Variants in AGO3 observed in about 807,000 individuals in gnomAD.
The protein encoded by AGO3 is argonaute RISC catalytic component 3, also known as protein argonaute-3.
Under a neutral mutation model 105.5 loss-of-function variants are expected in AGO3, and 16 were observed. That is an observed-to-expected ratio of 0.15 (90% CI 0.10 to 0.23). AGO3 has a LOEUF of 0.23. Ranked by LOEUF, AGO3 falls within the 10% of genes least tolerant of loss-of-function variation. The pLI is 1.00. For synonymous variants in AGO3, 340 were observed against 367.3 expected (o/e 0.93, Z 0.85); for missense variants, 534 against 1,088.0 (o/e 0.49, Z 7.16).
chr1:36,004,636 C>T (rs1231408003), intron 6 of AGO3, among the ~76,000 whole-genome samples, 161 bp downstream of exon 6: 4 of 152,146 alleles, frequency 2.6e-5, no homozygotes, highest in Non-Finnish European at 5.9e-5. Flanking sequence ...ATTACTATAA[C>T]ATCTTAGGTG....
At position 35,931,119 on chromosome 1, in the gene AGO3, G is replaced by T; in HGVS notation, c.-308G>T. The T allele has an allele frequency of 2.5e-6, 1 of 395,760 alleles. No homozygotes were observed. Among genetic ancestry groups the T allele is most frequent in the Non-Finnish European group, 4.5e-6 (1 of 224,056 alleles). The allele number at this position is 395,760 out of a possible 1,614,324, so 24.5% of individuals were successfully genotyped here. ...CGGCCCCGGGCAGGTCGGCGGCGGC[G>T]GCCCGCAGTCGTGGAGGAGCGGTGG... On this transcript the variant is annotated 5_prime_UTR_variant, in exon 1 of 19. Coordinates refer to ENST00000373191, the MANE Select transcript of AGO3 (RefSeq NM_024852.4).
At chr1:35,963,183 A>G (rs537810695) in intron 2 of AGO3, among the ~76,000 whole-genome samples, 1 of 152,310 alleles carries the variant, frequency 6.6e-6, no homozygotes, top group East Asian at 1.9e-4. Context: ...GGGGACATGT[A>G]AGGAGATAAT....
chr1:36,044,901 A>G (rs1415743176), intron 17 of AGO3, among the ~76,000 whole-genome samples: 2 of 152,340 alleles, frequency 1.3e-5, no homozygotes, highest in African/African-American at 4.8e-5. Flanking sequence ...GATGTCTGAG[A>G]GTCTATAACC....
intron 2 of AGO3, among the ~76,000 whole-genome samples, chr1:35,954,392 C>G (rs1646528630): frequency 2.0e-5 from 3 of 152,154 alleles, no homozygotes. Flanking sequence ...GTATTATTAC[C>G]AACATCTATT....
Position 35,945,829 on chromosome 1 carries a change from A to G in AGO3, c.157A>G (p.Ile53Val). Residue 53 changes from isoleucine (I) to valine (V), a missense_variant, in exon 2 of 19, where the codon ATT (isoleucine) becomes GTT (valine). This residue lies in a region of AGO3 where 161 missense variants were observed against 234.0 expected (regional missense o/e 0.69). Transcript: ENST00000373191. The stretch of plus-strand genomic sequence containing the variant: ...TGATGTCTACCTCTATGAGGTAGAT[A>G]TTAAACCAGACAAGTGTCCTAGGAG... Reference protein sequence around the residue: ...KIDVYLYEVDIKPDKCPRRVN... With the variant: ...KIDVYLYEVDVKPDKCPRRVN... The G allele has an allele frequency of 1.9e-6, 3 of 1,613,818 alleles. No homozygotes were observed. The highest frequency in any genetic ancestry group is 2.5e-6 in the Non-Finnish European group (3 of 1,179,992).
At chr1:36,014,219 C>T (rs554007246) in intron 11 of AGO3, among the ~76,000 whole-genome samples, 171 bp downstream of exon 11, 4 of 151,440 alleles carry the variant, frequency 2.6e-5, no homozygotes, top group Admixed American at 1.3e-4. Flanking sequence ...AGTGTAGTGG[C>T]GTGATCCCAG....
chr1:35,966,353 CTG>C (rs1646774476), intron 2 of AGO3, among the ~76,000 whole-genome samples: 1 of 152,026 alleles, frequency 6.6e-6, no homozygotes, highest in South Asian at 2.1e-4. Flanking sequence ...CCTATATAGT[CTG>C]TAAGTTTTGA....
intron 4 of AGO3, 82 bp from the exon 5 acceptor site, chr1:35,973,293 G>T: frequency 7.9e-7 from 1 of 1,262,798 alleles, no homozygotes. Flanking sequence ...TATGTTAATT[G>T]TGCTCTAGTC....
intron 11 of AGO3, among the ~76,000 whole-genome samples, chr1:36,019,413 A>C (rs1641093777): frequency 6.6e-6 from 1 of 152,182 alleles, no homozygotes; most frequent in African/African-American, 2.4e-5. Context: ...TAATGCTCTT[A>C]TATCTGTAAT....
At chr1:35,946,239 G>A (rs933468004) in intron 2 of AGO3, among the ~76,000 whole-genome samples, 7 of 152,068 alleles carry the variant, frequency 4.6e-5, no homozygotes, top group East Asian at 1.9e-4. Context: ...TTAAGATGAC[G>A]GTGGTGATGA....
At chr1:35,952,955 T>A (rs544077291) in intron 2 of AGO3, among the ~76,000 whole-genome samples, 17 of 152,362 alleles carry the variant, frequency 1.1e-4, no homozygotes, top group African/African-American at 4.1e-4. Flanking sequence ...TTATCCATCA[T>A]TTGATGGACA....
chr1:35,975,925 T>C (rs1473383787), intron 5 of AGO3, among the ~76,000 whole-genome samples: 1 of 151,930 alleles, frequency 6.6e-6, no homozygotes, highest in Non-Finnish European at 1.5e-5. Context: ...ACATTTCTTT[T>C]TTTTTTTCTT....
intron 5 of AGO3, among the ~76,000 whole-genome samples, chr1:35,975,445 T>A (rs533269165): frequency 3.4e-4 from 52 of 152,336 alleles, no homozygotes; most frequent in South Asian, 2.7e-3. Flanking sequence ...CTGAGAATGC[T>A]TTCTAAATTA....
At chr1:36,028,695 G>A (rs998211481) in intron 12 of AGO3, among the ~76,000 whole-genome samples, 9 of 151,122 alleles carry the variant, frequency 6.0e-5, no homozygotes, top group South Asian at 2.1e-4. Context: ...GAATAATGCC[G>A]CAATAAACAT....
At chr1:35,969,505 TC>T (rs1475991229) in intron 3 of AGO3, among the ~76,000 whole-genome samples, 9 of 152,212 alleles carry the variant, frequency 5.9e-5, no homozygotes, top group Admixed American at 2.0e-4. Flanking sequence ...TGTTCATTAA[TC>T]TGCTGTAAGG....
chr1:35,991,134 T>A (rs1485934789), intron 5 of AGO3, among the ~76,000 whole-genome samples: 1 of 152,076 alleles, frequency 6.6e-6, no homozygotes, highest in African/African-American at 2.4e-5. Context: ...TGAAACCCTG[T>A]CTCTACTAAA....
Position 36,065,225 on chromosome 1 carries a change from T to C in AGO3, c.*9480T>C, listed in dbSNP as rs2148872841. ...TTGTATGTCCCCTTTTAAGGATATT[T>C]ATTGCGCTTATAACCTTAATAGTTG... is the stretch of plus-strand genomic sequence containing the variant. On this transcript the variant is annotated 3_prime_UTR_variant, in exon 19 of 19. Coordinates refer to ENST00000373191, the MANE Select transcript of AGO3 (RefSeq NM_024852.4). The C allele has an allele frequency of 2.6e-5, 4 of 152,272 alleles. No homozygotes were observed. The highest frequency in any genetic ancestry group is 6.8e-3 in the Middle Eastern group (2 of 294). 9.4% of individuals were successfully genotyped at this position (152,272 alleles called of 1,614,324 possible).
chr1:36,043,536 T>C lies in AGO3; in HGVS notation c.2262T>C (p.His754=). The C allele has an allele frequency of 6.8e-6, 11 of 1,611,424 alleles. No individual in the cohort carries two copies. The highest frequency in any genetic ancestry group is 9.3e-6 in the Non-Finnish European group (11 of 1,178,242). The part of the protein sequence containing the change: ...PYEFDFYLCS[H]AGIQGTSRPS... The stretch of plus-strand genomic sequence containing the variant: ...AGTTCGATTTTTACCTCTGTAGCCA[T>C]GCTGGAATACAGGTAAGCCTACACT... The change falls in exon 17 of 19, where the codon CAT becomes CAC. Residue 754 remains histidine, a synonymous_variant. Coordinates refer to ENST00000373191, the MANE Select transcript of AGO3 (RefSeq NM_024852.4).
intron 17 of AGO3, among the ~76,000 whole-genome samples, chr1:36,052,180 A>G (rs983919949): frequency 6.6e-6 from 1 of 152,048 alleles, no homozygotes; most frequent in Non-Finnish European, 1.5e-5. Context: ...CCCTCAACAG[A>G]TGAATGAAGA....
Sources: gnomAD v4.1 joint callset for allele counts (sites outside exome capture counted in the v4.1 genomes callset) on GRCh38, gnomAD v4.1.1 for gene constraint, gnomAD v4.1.1 regional missense constraint, MANE v1.5 for transcripts, NCBI Gene and HGNC (gene_info 2026-07-23, HGNC 2026-07-21) for gene names.